RDX: variants seen among roughly 807,000 people sequenced by gnomAD.
RDX encodes radixin.
RDX carries 32 observed loss-of-function variants against 83.7 expected under a neutral mutation model. The observed-to-expected ratio is 0.38, with a 90% CI of 0.29 to 0.51. RDX has a LOEUF of 0.51. RDX is among the 20% of genes least tolerant of loss of function. The pLI, the probability that RDX is intolerant of heterozygous loss-of-function variation, is 0.87. For synonymous variants in RDX, 229 were observed against 222.7 expected, an observed-to-expected ratio of 1.03 and a Z score of -0.25; for missense variants, 600 against 689.9, an observed-to-expected ratio of 0.87 and a Z score of 1.46.
At position 110,247,797 on chromosome 11, in the gene RDX, T is replaced by G. The variant is rs1454225981; in HGVS notation, c.996A>C (p.Ile332=). 1 of 1,591,076 alleles carries G rather than the reference T, an allele frequency of 6.3e-7. No individual in the cohort carries two copies. The highest frequency in any genetic ancestry group is 1.3e-5 in the African/African-American group (1 of 74,488). Residue 332 remains isoleucine, a synonymous_variant, in exon 10 of 14, where the codon ATA becomes ATC. Coordinates refer to ENST00000645495, the MANE Select transcript of RDX (RefSeq NM_002906.4). ...QLENEKKKRE[I]AEKEKERIER... ...CTATTCTTTCCTTTTCCTTTTCTGC[T>G]ATTTCTCTTTTCTTCTTTTCATTCT...
chr11:110,195,716 A>AT (rs1321640851), intron 15 of RDX: 1 of 152,276 alleles, frequency 6.6e-6, no homozygotes, highest in Non-Finnish European at 1.5e-5. Flanking sequence ...GAAGCCAAAT[A>AT]TAAGTCACAT....
chr11:110,266,109 A>G (rs1860032330), intron 3 of RDX, among the ~76,000 whole-genome samples: 1 of 151,818 alleles, frequency 6.6e-6, no homozygotes, highest in Non-Finnish European at 1.5e-5. Flanking sequence ...CGGATCACAA[A>G]GTCAGGAGAT....
chr11:110,238,116 T>C (rs10891077), intron 10 of RDX, among the ~76,000 whole-genome samples: 67,949 of 152,098 alleles, frequency 0.45, 15,398 homozygotes, highest in East Asian at 0.61. Flanking sequence ...AAAACTTCCA[T>C]TAAGGTTTTA....
Position 110,202,409 on chromosome 11 carries a change from CTAGTT to C in RDX, c.1749-2736_1749-2732del. ...ACTTCATCTAAAAAAAAAAATCTGT[CTAGTT>C]TAGTATATTAACATTTTTCTTTTAG... is the stretch of plus-strand genomic sequence containing the variant. On this transcript the variant is annotated intron_variant, in intron 14 of 15. Transcript: ENST00000528498. Among the ~76,000 whole-genome samples, 2 of 151,690 alleles carry C rather than the reference CTAGTT, an allele frequency of 1.3e-5. 1 individual carries two copies. The highest frequency in any genetic ancestry group is 2.9e-5 in the Non-Finnish European group (2 of 67,924).
intron 10 of RDX, among the ~76,000 whole-genome samples, chr11:110,244,551 G>A (rs1375474878): frequency 1.3e-5 from 2 of 152,098 alleles, no homozygotes; most frequent in East Asian, 1.9e-4. Flanking sequence ...GTCTACAGCA[G>A]AGAGAAGGGG....
intron 10 of RDX, among the ~76,000 whole-genome samples, chr11:110,242,916 T>C (rs1484634085): frequency 6.6e-6 from 1 of 151,950 alleles, no homozygotes; most frequent in East Asian, 1.9e-4. Flanking sequence ...GCCACCCTCA[T>C]TTGTTTAGGT....
chr11:110,231,948 C>T lies in RDX; in HGVS notation c.1673G>A (p.Gly558Asp). 6.2e-7 allele frequency: 1 copy of T among 1,613,952 alleles called. No individual in the cohort carries two copies. The highest frequency in any genetic ancestry group is 1.1e-5 in the South Asian group (1 of 91,080). The change falls in exon 14 of 14, where the codon GGC (glycine) becomes GAC (aspartate). Residue 558 changes from glycine (G) to aspartate (D), a missense_variant. By Grantham distance (94) the Gly-to-Asp change is moderately conservative. Coordinates refer to ENST00000645495, the MANE Select transcript of RDX (RefSeq NM_002906.4). ...DVLHAENVKA[G>D]RDKYKTLRQI... ...TCGCAGAGTCTTGTACTTATCACGG[C>T]CTGCTTTAACATTCTCAGCATGAAG...
In RDX at chr11:110,189,243, TAAA is replaced by T. The variant is rs35450797; in HGVS notation, c.*31+10335_*31+10337del. On this transcript the variant is annotated intron_variant, in intron 15 of 15. Transcript: ENST00000528498. ...AAACAAACTTTAAATGAACAACAGG[TAAA>T]AAAAAAAAAAAAAAAAAAAAAAGAC... is the stretch of plus-strand genomic sequence containing the variant. Among the ~76,000 whole-genome samples, 235 of 35,604 alleles carry T rather than the reference TAAA, an allele frequency of 6.6e-3. 2 individuals are homozygous for T. The highest frequency in any genetic ancestry group is 0.015 in the African/African-American group (198 of 12,788). 23.4% of individuals were successfully genotyped at this position (35,604 alleles called of 152,430 possible).
At chr11:110,288,441 CATTAAACAT>C (rs1861074244) in intron 1 of RDX, 1 of 152,162 alleles carries the variant, frequency 6.6e-6, no homozygotes, top group East Asian at 1.9e-4. Context: ...CTTAAGAAAA[CATTAAACAT>C]TCACATAAAA....
intron 1 of RDX, among the ~76,000 whole-genome samples, chr11:110,293,691 C>T (rs886650394): frequency 6.6e-6 from 1 of 152,150 alleles, no homozygotes; most frequent in African/African-American, 2.4e-5. Flanking sequence ...AGTTAAGTAC[C>T]ACCTGCCAGC....
At chr11:110,196,647 G>C (rs1863218624) in intron 15 of RDX, among the ~76,000 whole-genome samples, 1 of 152,226 alleles carries the variant, frequency 6.6e-6, no homozygotes, top group Admixed American at 6.5e-5. Context: ...AGCTCCGTCT[G>C]ACCCACCTCA....
At chr11:110,265,024 T>A in intron 3 of RDX, 150 bp from the exon 4 acceptor site, 1 of 487,252 alleles carries the variant, frequency 2.1e-6, no homozygotes, top group African/African-American at 2.0e-5. Flanking sequence ...TTTAAGATAT[T>A]AAAGGAACAT....
chr11:110,240,344 T>G, intron 10 of RDX, among the ~76,000 whole-genome samples: 1 of 152,168 alleles, frequency 6.6e-6, no homozygotes, highest in Non-Finnish European at 1.5e-5. Context: ...CTCATAAAGA[T>G]AAATAAACTG....
At chr11:110,226,878 C>T (rs892032740), downstream of RDX, among the ~76,000 whole-genome samples, 4 of 151,990 alleles carry the variant, frequency 2.6e-5, no homozygotes, top group Non-Finnish European at 4.4e-5. Context: ...ACAAGCATAC[C>T]GAAACGTATA....
intron 15 of RDX, among the ~76,000 whole-genome samples, chr11:110,193,314 A>G (rs1863137752): frequency 1.3e-5 from 2 of 152,172 alleles, no homozygotes; most frequent in Non-Finnish European, 2.9e-5. Context: ...GGAGCTAAAC[A>G]TTGAGTACAC....
chr11:110,209,549 A>G (rs1863746659), intron 14 of RDX, among the ~76,000 whole-genome samples: 1 of 152,142 alleles, frequency 6.6e-6, no homozygotes, highest in Non-Finnish European at 1.5e-5. Flanking sequence ...ACAGACAAAC[A>G]AAAAGACAGC....
rs956512422 is a variant in RDX, at chr11:110,263,140, C to T, written c.467+820G>A. 3.3e-5 allele frequency among the ~76,000 whole-genome samples: 5 copies of T among 151,836 alleles called. No individual in the cohort carries two copies. The East Asian group carries it at 9.7e-4, about 29-fold the overall frequency. ...AAATACAAAAATTAGCTGGGCATGG[C>T]GGCAGATGCCTGTAATCCCAGCTAC... is the stretch of plus-strand genomic sequence containing the variant. On this transcript the variant is annotated intron_variant, in intron 5 of 13. Coordinates refer to ENST00000645495, the MANE Select transcript of RDX (RefSeq NM_002906.4).
Position 110,230,880 on chromosome 11 carries a change from T to C in RDX, c.*989A>G, listed in dbSNP as rs1864607601. The C allele has an allele frequency of 6.6e-6, 1 of 152,616 alleles. No individual in the cohort carries two copies. The highest frequency in any genetic ancestry group is 6.5e-5 in the Admixed American group (1 of 15,274). The allele number at this position is 152,616 out of a possible 1,614,324, so 9.5% of individuals were successfully genotyped here. On this transcript the variant is annotated 3_prime_UTR_variant, in exon 14 of 14. Coordinates refer to ENST00000645495, the MANE Select transcript of RDX (RefSeq NM_002906.4). ...TGTTTGAACAACCAGTCATCACAGA[T>C]GTAGTAGTGAGGTAGTATTGTTGTC...
chr11:110,290,201 G>A (rs950867214), intron 1 of RDX, among the ~76,000 whole-genome samples: 2 of 152,096 alleles, frequency 1.3e-5, no homozygotes, highest in Non-Finnish European at 2.9e-5. Flanking sequence ...GCTGCTGCAA[G>A]GAGTATTAAT....
Sources: gnomAD v4.1 joint callset for allele counts (sites outside exome capture counted in the v4.1 genomes callset) on GRCh38, gnomAD v4.1.1 for gene constraint, MANE v1.5 for transcripts, NCBI Gene and HGNC (gene_info 2026-07-23, HGNC 2026-07-21) for gene names.